The following ZFHX2 variants were observed in gnomAD, a reference collection of about 807,000 sequenced individuals.
ZFHX2 encodes zinc finger homeobox 2, also known as zinc finger homeobox protein 2.
ZFHX2 carries 75 observed loss-of-function variants against 164.8 expected under a neutral mutation model. That is an observed-to-expected ratio of 0.46 (90% confidence interval 0.38 to 0.55). ZFHX2 has a LOEUF of 0.55. Ranked by LOEUF, ZFHX2 falls within the 20% of genes least tolerant of loss-of-function variation. The pLI is 0.00. For synonymous variants in ZFHX2, 1,217 were observed against 1,351.4 expected, an observed-to-expected ratio of 0.90 and a Z score of 2.18; for missense variants, 2,933 against 3,308.0, an observed-to-expected ratio of 0.89 and a Z score of 2.78.
At chr14:23,527,981 A>C (rs1238519216) in intron 6 of ZFHX2, among the ~76,000 whole-genome samples, 177 bp from the exon 7 acceptor site, 1 of 138,628 alleles carries the variant, frequency 7.2e-6, no homozygotes, top group East Asian at 2.1e-4. Flanking sequence ...ATCTCGGCTC[A>C]CTGCAACCTC....
chr14:23,532,653 T>A lies in ZFHX2; in HGVS notation c.2473A>T (p.Ile825Phe), dbSNP rs983969398. 6.7e-7 allele frequency: 1 copy of A among 1,484,078 alleles called. No individual in the cohort carries two copies. Among genetic ancestry groups the A allele is most frequent in the Non-Finnish European group, 8.9e-7 (1 of 1,119,332 alleles). 91.9% of individuals were successfully genotyped at this position (1,484,078 alleles called of 1,614,324 possible). Reference protein sequence around the residue: ...SVSPLHLRCNICDFESNSKEK... With the variant: ...SVSPLHLRCNFCDFESNSKEK... Reference sequence around the variant, plus strand: ...TTGCTGTTGGACTCAAAGTCACAGATGTTGCAGCGCAGGTGTAGTGGGGAG... The same window carrying A: ...TTGCTGTTGGACTCAAAGTCACAGAAGTTGCAGCGCAGGTGTAGTGGGGAG... The change falls in exon 3 of 10, where the codon ATC (isoleucine) becomes TTC (phenylalanine). Residue 825 changes from isoleucine to phenylalanine, a missense_variant. Ile to Phe is a conservative substitution (Grantham distance 21, BLOSUM62 0). Coordinates refer to ENST00000419474, the MANE Select transcript of ZFHX2 (RefSeq NM_033400.3).
chr14:23,537,132 C>T (rs1880250435), intron 1 of ZFHX2, among the ~76,000 whole-genome samples: 1 of 151,942 alleles, frequency 6.6e-6, no homozygotes, highest in Non-Finnish European at 1.5e-5. Flanking sequence ...TCAGCCTGGG[C>T]AACAAGAATG....
At chr14:23,545,621 G>A (rs1375211121) in intron 1 of ZFHX2, among the ~76,000 whole-genome samples, 1 of 152,150 alleles carries the variant, frequency 6.6e-6, no homozygotes, top group Non-Finnish European at 1.5e-5. Context: ...TTTCCCTAAA[G>A]CAGCAGGATT....
chr14:23,544,106 T>A (rs1274823758), intron 1 of ZFHX2: 6 of 151,632 alleles, frequency 4.0e-5, no homozygotes, highest in South Asian at 2.1e-4. Flanking sequence ...ACAAAAAAAA[T>A]GAGCCGGGCG....
chr14:23,544,934 G>A (rs575392613), intron 1 of ZFHX2, among the ~76,000 whole-genome samples: 3 of 151,264 alleles, frequency 2.0e-5, no homozygotes, highest in South Asian at 2.1e-4. Flanking sequence ...TTCCCTGGCC[G>A]TTTTTCTGCA....
At chr14:23,538,066 C>T (rs1880384083) in intron 1 of ZFHX2, 1 of 152,374 alleles carries the variant, frequency 6.6e-6, no homozygotes, top group Non-Finnish European at 1.5e-5. Context: ...GCCCCAAATC[C>T]TACAGTAACT....
chr14:23,525,809 A>G lies in ZFHX2; in HGVS notation c.4133T>C (p.Leu1378Pro), dbSNP rs1450577580. The G allele has an allele frequency of 2.0e-6, 3 of 1,465,874 alleles. No homozygotes were observed. The highest frequency in any genetic ancestry group is 2.7e-6 in the Non-Finnish European group (3 of 1,114,026). The allele number at this position is 1,465,874 out of a possible 1,614,324, so 90.8% of individuals were successfully genotyped here. A position where few individuals can be genotyped will look rare whatever the true frequency, so the allele number is the denominator to read the frequency against. Residue 1378 changes from leucine to proline, a missense_variant, in exon 9 of 10, where the codon CTG becomes CCG. Physicochemically the swap from Leu to Pro is moderately conservative, Grantham distance 98. Coordinates refer to ENST00000419474, the MANE Select transcript of ZFHX2 (RefSeq NM_033400.3). The surrounding 1 kb of genome is among the most constrained non-coding windows in gnomAD (Gnocchi z 5.9). Reference protein sequence around the residue: ...YLHDLKVGPKLTLAGPAPVLS... With the variant: ...YLHDLKVGPKPTLAGPAPVLS... ...CACAGGTGCAGGCCCAGCTAGTGTCAGCTTGGGCCCCACCTTGAGATCGTG... is the reference window on the plus strand; with the variant it reads ...CACAGGTGCAGGCCCAGCTAGTGTCGGCTTGGGCCCCACCTTGAGATCGTG...
Position 23,534,943 on chromosome 14 carries a change from A to G in ZFHX2, c.383T>C (p.Leu128Pro). 1 of 1,536,176 alleles carries G rather than the reference A, an allele frequency of 6.5e-7. No individual in the cohort carries two copies. Among genetic ancestry groups the G allele is most frequent in the Non-Finnish European group, 8.7e-7 (1 of 1,146,910 alleles). Residue 128 changes from leucine to proline, a missense_variant, in exon 2 of 10, where the codon CTG becomes CCG. Leu to Pro is a moderately conservative substitution (Grantham distance 98). Transcript: ENST00000419474. The surrounding 1 kb of genome is among the most constrained non-coding windows in gnomAD (Gnocchi z 4.5). ...AGGEAYLVAK[L>P]SLPGGSELLL... ...GAGTTCACTGCCACCTGGCAGGGACAGCTTGGCCACTAGGTAGGCCTCACC... is the reference window on the plus strand; with the variant it reads ...GAGTTCACTGCCACCTGGCAGGGACGGCTTGGCCACTAGGTAGGCCTCACC...
At position 23,524,922 on chromosome 14, in the gene ZFHX2, G is replaced by A. The variant is rs1595137444; in HGVS notation, c.5020C>T (p.Arg1674Cys). 1.3e-6 allele frequency: 2 copies of A among 1,536,210 alleles called. No homozygotes were observed. Among genetic ancestry groups the A allele is most frequent in the South Asian group, 1.2e-5 (1 of 84,062 alleles). The change falls in exon 9 of 10, where the codon CGT (arginine) becomes TGT (cysteine). Residue 1674 changes from arginine to cysteine, a missense_variant. Coordinates refer to ENST00000419474, the MANE Select transcript of ZFHX2 (RefSeq NM_033400.3). The surrounding 1 kb of genome is among the most constrained non-coding windows in gnomAD (Gnocchi z 5.6). ...ACACAGGAGAAAGTGGCGTGGCAAC[G>A]CCTGCAGCCGGAGGCTCCCCCAGTG... Reference protein sequence around the residue: ...GGTGGASGCRRCHATFSCVFE... With the variant: ...GGTGGASGCRCCHATFSCVFE...
chr14:23,545,020 A>C (rs1881242529), intron 1 of ZFHX2, among the ~76,000 whole-genome samples: 2 of 147,852 alleles, frequency 1.4e-5, no homozygotes, highest in African/African-American at 5.0e-5. Context: ...TCTTCTCTTC[A>C]CTCATCACCC....
chr14:23,542,404 T>C (rs1880919260), intron 1 of ZFHX2: 1 of 151,708 alleles, frequency 6.6e-6, no homozygotes, highest in Admixed American at 6.6e-5. Flanking sequence ...TGAGGTGTGC[T>C]GCAGAGTGTC....
chr14:23,546,828 C>T lies in ZFHX2; in HGVS notation c.-50+4515G>A, dbSNP rs985396671. ...AAATATGAGCTGCCCAACTCCGTGGCGGTGGCTGACAGTGCAACAGCCACC... is the reference window on the plus strand; with the variant it reads ...AAATATGAGCTGCCCAACTCCGTGGTGGTGGCTGACAGTGCAACAGCCACC... On this transcript the variant is annotated intron_variant, in intron 1 of 9. Coordinates refer to ENST00000419474, the MANE Select transcript of ZFHX2 (RefSeq NM_033400.3). This position sits in a 1 kb window ranked among gnomAD's most constrained non-coding sequence, Gnocchi z 4.7. Among the ~76,000 whole-genome samples the T allele has an allele frequency of 2.0e-5, 3 of 152,200 alleles. No homozygotes were observed. Among genetic ancestry groups the T allele is most frequent in the Non-Finnish European group, 4.4e-5 (3 of 68,022 alleles).
At chr14:23,539,842 C>T (rs1026261924) in intron 1 of ZFHX2, among the ~76,000 whole-genome samples, 4 of 152,220 alleles carry the variant, frequency 2.6e-5, no homozygotes, top group Admixed American at 2.6e-4. Flanking sequence ...TGGGACCTGA[C>T]TGGCTTTTTC....
chr14:23,548,245 C>T (rs1188240981), intron 1 of ZFHX2: 1 of 152,292 alleles, frequency 6.6e-6, no homozygotes, highest in East Asian at 1.9e-4. Flanking sequence ...AATGCCCTGT[C>T]TTAGGTTCCT....
At position 23,534,192 on chromosome 14, in the gene ZFHX2, C is replaced by T. The variant is rs1403080147; in HGVS notation, c.1134G>A (p.Gly378=). 6.8e-7 allele frequency: 1 copy of T among 1,481,072 alleles called. No homozygotes were observed. The highest frequency in any genetic ancestry group is 8.9e-7 in the Non-Finnish European group (1 of 1,119,458). 91.7% of individuals were successfully genotyped at this position (1,481,072 alleles called of 1,614,324 possible). Residue 378 remains glycine (G), a synonymous_variant, in exon 2 of 10, where the codon GGG becomes GGA. Coordinates refer to ENST00000419474, the MANE Select transcript of ZFHX2 (RefSeq NM_033400.3). This position sits in a 1 kb window ranked among gnomAD's most constrained non-coding sequence, Gnocchi z 4.5. ...GGCAGAGCCCTCCATCCTCTTCTTG[C>T]CCCTCAGGGAACCAATCTGGCCCTG... ...GEAGPDWFPE[G]QEEDGGLCPP...
intron 4 of ZFHX2, chr14:23,530,418 TAA>T (rs775928528): frequency 1.4e-5 from 10 of 690,290 alleles, no homozygotes; most frequent in Admixed American, 1.0e-4. Flanking sequence ...ATCATTTTAT[TAA>T]GAGTCCAGTT....
At chr14:23,539,245 C>G (rs1265687553) in intron 1 of ZFHX2, among the ~76,000 whole-genome samples, 2 of 152,270 alleles carry the variant, frequency 1.3e-5, no homozygotes, top group East Asian at 3.9e-4. Flanking sequence ...TGTCCAGACC[C>G]AGGTCTCTGT....
chr14:23,525,497 C>G lies in ZFHX2; in HGVS notation c.4445G>C (p.Cys1482Ser), dbSNP rs1040713952. ...EALGGGDKLA[C>S]GACGKLFSNM... ...GGAGAAGAGTTTCCCACAGGCCCCA[C>G]AGGCCAGCTTGTCCCCACCCCCGAG... The change falls in exon 9 of 10, where the codon TGT (cysteine) becomes TCT (serine). Residue 1482 changes from cysteine to serine, a missense_variant. Physicochemically the swap from Cys to Ser is moderately radical, Grantham distance 112. Transcript: ENST00000419474. This position sits in a 1 kb window ranked among gnomAD's most constrained non-coding sequence, Gnocchi z 5.9. 14 of 1,535,706 alleles carry G rather than the reference C, an allele frequency of 9.1e-6. No individual in the cohort carries two copies. The highest frequency in any genetic ancestry group is 1.4e-5 in the African/African-American group (1 of 73,052).
intron 6 of ZFHX2, 80 bp downstream of exon 6, chr14:23,529,630 A>T: frequency 7.5e-7 from 1 of 1,333,248 alleles, no homozygotes; most frequent in Non-Finnish European, 1.0e-6. Flanking sequence ...TGACAAAATT[A>T]CGTCTGCCTT....
Sources: gnomAD v4.1 joint callset for allele counts (sites outside exome capture counted in the v4.1 genomes callset) on GRCh38, gnomAD v4.1.1 for gene constraint, Gnocchi (gnomAD v3.1) non-coding constraint, MANE v1.5 for transcripts, NCBI Gene and HGNC (gene_info 2026-07-23, HGNC 2026-07-21) for gene names.